The following GLIS3 variants were observed in gnomAD, a reference collection of about 807,000 sequenced individuals.
GLIS3 encodes the protein GLIS family zinc finger 3.
A neutral mutation model predicts 78.6 loss-of-function variants in GLIS3; 53 were observed. The observed-to-expected ratio is 0.67, with a 90% CI of 0.54 to 0.85. The LOEUF (loss-of-function observed/expected upper bound fraction) is 0.85. Ranked by LOEUF, GLIS3 falls within the 40% of genes least tolerant of loss-of-function variation. GLIS3 has a pLI of 0.00. For synonymous variants in GLIS3, 684 were observed against 509.9 expected, an observed-to-expected ratio of 1.34 and a Z score of -4.60; for missense variants, 1,703 against 1,231.1, an observed-to-expected ratio of 1.38 and a Z score of -5.74.
the GLIS3 span, among the ~76,000 whole-genome samples, chr9:4,379,139 T>A: frequency 6.6e-6 from 1 of 152,314 alleles, no homozygotes; most frequent in African/African-American, 2.4e-5. Context: ...GCGGATATGT[T>A]GTCCAGCGCC....
intron 2 of GLIS3, among the ~76,000 whole-genome samples, chr9:4,328,791 T>TG (rs1817639761): frequency 1.3e-5 from 2 of 152,310 alleles, no homozygotes; most frequent in Non-Finnish European, 2.9e-5. Flanking sequence ...TTGCGAGGAC[T>TG]GAAAGCATTA....
chr9:4,037,366 T>C (rs915807132), intron 4 of GLIS3, among the ~76,000 whole-genome samples: 7 of 152,234 alleles, frequency 4.6e-5, no homozygotes, highest in East Asian at 1.9e-4. Flanking sequence ...ATCTGTAAAA[T>C]AGGATGGTAA....
intron 7 of GLIS3, among the ~76,000 whole-genome samples, chr9:3,896,015 C>T (rs1822806126): frequency 6.6e-6 from 1 of 152,210 alleles, no homozygotes; most frequent in Non-Finnish European, 1.5e-5. Context: ...AAGGGAATAA[C>T]TCCAAGTACT....
At chr9:3,873,923 C>A (rs930742165) in intron 8 of GLIS3, among the ~76,000 whole-genome samples, 8 of 152,214 alleles carry the variant, frequency 5.3e-5, no homozygotes, top group African/African-American at 1.9e-4. Flanking sequence ...GCTGCTGATT[C>A]ATACACTAGA....
At chr9:3,945,735 C>G (rs1275393158) in intron 4 of GLIS3, among the ~76,000 whole-genome samples, 1 of 151,916 alleles carries the variant, frequency 6.6e-6, no homozygotes, top group Admixed American at 6.6e-5. Context: ...AATGATCTGC[C>G]TCGGAAATAT....
intron 2 of GLIS3, among the ~76,000 whole-genome samples, chr9:4,196,184 T>C (rs946269827): frequency 3.3e-5 from 5 of 152,196 alleles, no homozygotes; most frequent in Admixed American, 2.0e-4. Flanking sequence ...CTTTCATGTC[T>C]AGCCAGAGGA....
At chr9:3,915,228 A>G (rs1169698811) in intron 6 of GLIS3, among the ~76,000 whole-genome samples, 1 of 152,044 alleles carries the variant, frequency 6.6e-6, no homozygotes, top group African/African-American at 2.4e-5. Context: ...AGGTACTGAC[A>G]CCATTCTGTC....
chr9:4,404,112 G>T, the GLIS3 span, among the ~76,000 whole-genome samples: 1 of 152,140 alleles, frequency 6.6e-6, no homozygotes, highest in Non-Finnish European at 1.5e-5. Flanking sequence ...GACAAAAACT[G>T]TAAGAAGAGA....
the GLIS3 span, among the ~76,000 whole-genome samples, chr9:4,374,481 G>C: frequency 1.3e-5 from 2 of 152,234 alleles, no homozygotes; most frequent in Non-Finnish European, 2.9e-5. Context: ...GTCTCTAAAA[G>C]AGCCCCTCAC....
chr9:4,333,812 T>TCC, intron 2 of GLIS3, among the ~76,000 whole-genome samples: 1 of 140,946 alleles, frequency 7.1e-6, no homozygotes, highest in East Asian at 2.2e-4. Context: ...GGAAATATCC[T>TCC]CCCAAGAGAA....
intron 4 of GLIS3, among the ~76,000 whole-genome samples, chr9:4,088,539 A>T (rs1230461563): frequency 6.6e-6 from 1 of 152,250 alleles, no homozygotes; most frequent in Non-Finnish European, 1.5e-5. Context: ...TTGAAAGATT[A>T]CAAGTCAAAA....
the GLIS3 span, among the ~76,000 whole-genome samples, chr9:4,363,110 G>A: frequency 6.6e-6 from 1 of 152,262 alleles, no homozygotes; most frequent in Non-Finnish European, 1.5e-5. Flanking sequence ...AAAAATAGAA[G>A]TGATCAAAAA....
At chr9:4,057,211 C>A (rs947142849) in intron 4 of GLIS3, among the ~76,000 whole-genome samples, 1 of 152,132 alleles carries the variant, frequency 6.6e-6, no homozygotes, top group African/African-American at 2.4e-5. Context: ...GCAGTCCCAT[C>A]GGCCCCTACC....
intron 4 of GLIS3, among the ~76,000 whole-genome samples, chr9:4,064,085 T>C (rs933764355): frequency 7.9e-5 from 12 of 151,994 alleles, no homozygotes; most frequent in Admixed American, 1.3e-4. Flanking sequence ...AATCAAGTAA[T>C]AGAATAAGGC....
intron 3 of GLIS3, among the ~76,000 whole-genome samples, chr9:4,119,713 T>C (rs971187939): frequency 3.9e-5 from 6 of 152,226 alleles, no homozygotes; most frequent in African/African-American, 7.2e-5. Context: ...AATTGACTTT[T>C]GCAACAATTC....
chr9:4,139,176 T>C (rs574696791), intron 2 of GLIS3, among the ~76,000 whole-genome samples: 1 of 152,304 alleles, frequency 6.6e-6, no homozygotes, highest in East Asian at 1.9e-4. Flanking sequence ...ATCAAGGTTG[T>C]ATATCTCTCA....
At chr9:4,156,809 G>T (rs374239959) in intron 2 of GLIS3, among the ~76,000 whole-genome samples, 9 of 152,044 alleles carry the variant, frequency 5.9e-5, no homozygotes, top group Non-Finnish European at 7.4e-5. Context: ...AAGGGTATAT[G>T]ATAAGAGTGT....
intron 2 of GLIS3, among the ~76,000 whole-genome samples, chr9:4,274,038 T>G (rs1826765205): frequency 1.3e-5 from 2 of 152,292 alleles, no homozygotes; most frequent in South Asian, 4.1e-4. Flanking sequence ...GTCTGCCCTT[T>G]GCCTAGACTC....
intron 4 of GLIS3, among the ~76,000 whole-genome samples, chr9:3,941,576 A>G (rs1189696088): frequency 6.6e-6 from 1 of 152,104 alleles, no homozygotes; most frequent in Non-Finnish European, 1.5e-5. Context: ...TCTACTGCCC[A>G]TTACATTCCC....
Sources: gnomAD v4.1 joint callset for allele counts (sites outside exome capture counted in the v4.1 genomes callset) on GRCh38, gnomAD v4.1.1 for gene constraint, MANE v1.5 for transcripts, NCBI Gene and HGNC (gene_info 2026-07-23, HGNC 2026-07-21) for gene names.